The following SKA3 variants were observed in gnomAD, a reference collection of about 807,000 sequenced individuals.
The protein encoded by SKA3 is spindle and kinetochore associated complex subunit 3.
A neutral mutation model predicts 44.2 loss-of-function variants in SKA3; 39 were observed. The observed-to-expected ratio is 0.88, with a 90% confidence interval of 0.68 to 1.15. SKA3 has a LOEUF of 1.15. Among genes scored for constraint, SKA3 ranks in the 50% most tolerant of loss-of-function variants. SKA3 has a pLI of 0.00. For missense variants in SKA3, 511 were observed against 485.8 expected, an observed-to-expected ratio of 1.05 and a Z score of -0.49; for synonymous variants, 192 against 172.0, an observed-to-expected ratio of 1.12 and a Z score of -0.91.
At chr13:21,173,710 G>A (rs1871224545) in intron 1 of SKA3, among the ~76,000 whole-genome samples, 2 of 152,124 alleles carry the variant, frequency 1.3e-5, no homozygotes, top group Admixed American at 1.3e-4. Flanking sequence ...TCATTATTGT[G>A]TAGCATTTCC....
At position 21,174,595 on chromosome 13, in the gene SKA3, G is replaced by A. The variant is rs907606465; in HGVS notation, c.103+1780C>T. The stretch of plus-strand genomic sequence containing the variant: ...TGGGCCTGTCATGGGGTGAGGGAAG[G>A]GGGGAGGGATAGCATTAGGAGATAT... On this transcript the variant is annotated intron_variant, in intron 1 of 8. Transcript: ENST00000314759. Among the ~76,000 whole-genome samples, 9 of 152,212 alleles carry A rather than the reference G, an allele frequency of 5.9e-5. No homozygotes were observed. The South Asian group carries it at 1.9e-3, about 32-fold the overall frequency.
intron 6 of SKA3, 117 bp downstream of exon 6, chr13:21,159,785 C>A: frequency 1.7e-6 from 1 of 574,368 alleles, no homozygotes; most frequent in Non-Finnish European, 2.8e-6. Flanking sequence ...ACTGTAAATA[C>A]ATCCCTAAAA....
chr13:21,159,275 C>T lies in SKA3; in HGVS notation c.915+627G>A, dbSNP rs892045522. Among the ~76,000 whole-genome samples, 4 of 152,232 alleles carry T rather than the reference C, an allele frequency of 2.6e-5. No individual in the cohort carries two copies. The South Asian group carries it at 8.3e-4, about 32-fold the overall frequency. On this transcript the variant is annotated intron_variant, in intron 6 of 8. Coordinates refer to ENST00000314759, the MANE Select transcript of SKA3 (RefSeq NM_145061.6). ...CTATAGCATTGGTTAAGTGACCATA[C>T]TGACTAAAGAGGGATAAGGTTTTGA...
At chr13:21,166,551 T>C (rs1269866735) in intron 4 of SKA3, among the ~76,000 whole-genome samples, 2 of 152,140 alleles carry the variant, frequency 1.3e-5, no homozygotes, top group Non-Finnish European at 2.9e-5. Flanking sequence ...CTGGCCACCA[T>C]GGTGAAACCC....
chr13:21,160,088 C>G (rs143823043), intron 5 of SKA3, 101 bp from the exon 6 acceptor site: 2 of 776,390 alleles, frequency 2.6e-6, no homozygotes, highest in Non-Finnish European at 4.0e-6. Flanking sequence ...ATCATTAGCA[C>G]TACTAAAATT....
At chr13:21,175,362 C>T (rs976640477) in intron 1 of SKA3, among the ~76,000 whole-genome samples, 11 of 151,272 alleles carry the variant, frequency 7.3e-5, no homozygotes, top group African/African-American at 2.5e-4. Context: ...CTGCAAGTTC[C>T]GCCTCCCGGG....
intron 4 of SKA3, among the ~76,000 whole-genome samples, chr13:21,164,423 C>T (rs9552377): frequency 0.42 from 64,539 of 151,938 alleles, 15,207 homozygotes; most frequent in East Asian, 0.71. Flanking sequence ...GTTAAGTTTT[C>T]GTAGAGGTAA....
chr13:21,154,809 C>CGTA lies in SKA3; in HGVS notation c.*340_*341insTAC. On this transcript the variant is annotated 3_prime_UTR_variant, in exon 9 of 9. Coordinates refer to ENST00000314759, the MANE Select transcript of SKA3 (RefSeq NM_145061.6). ...CTCTGGCCAGAAGGTCAGGGGCGGC[C>CGTA]TCATCTGAGTAGCAAACACCTTTAT... 1 of 393,616 alleles carries CGTA rather than the reference C, an allele frequency of 2.5e-6. No homozygotes were observed. The highest frequency in any genetic ancestry group is 3.5e-5 in the South Asian group (1 of 28,600). The allele number at this position is 393,616 out of a possible 1,614,324, so 24.4% of individuals were successfully genotyped here.
At chr13:21,160,753 AG>A (rs1331066060) in intron 5 of SKA3, among the ~76,000 whole-genome samples, 1 of 152,236 alleles carries the variant, frequency 6.6e-6, no homozygotes, top group Admixed American at 6.5e-5. Context: ...CATATGCACA[AG>A]GGAAAATTTC....
chr13:21,170,943 T>C (rs1388350864), intron 3 of SKA3, among the ~76,000 whole-genome samples: 1 of 151,764 alleles, frequency 6.6e-6, no homozygotes, highest in Non-Finnish European at 1.5e-5. Flanking sequence ...ATTTTATTTA[T>C]TGAGACAGGG....
Position 21,170,909 on chromosome 13 carries a change from T to TTGTATGTATGTATGTA in SKA3, c.331+1414_331+1429dup, listed in dbSNP as rs74392336. On this transcript the variant is annotated intron_variant, in intron 3 of 8. Transcript: ENST00000314759. ...GGGTGGTGGTGGTGGTATGGGTTGT[T>TTGTATGTATGTATGTA]TGTATGTATGTATGTATGTATGTAT... is the stretch of plus-strand genomic sequence containing the variant. Among the ~76,000 whole-genome samples, 70 of 150,592 alleles carry TTGTATGTATGTATGTA rather than the reference T, an allele frequency of 4.6e-4. 1 individual carries two copies. Among genetic ancestry groups the TTGTATGTATGTATGTA allele is most frequent in the Non-Finnish European group, 7.5e-4 (51 of 67,580 alleles).
intron 4 of SKA3, among the ~76,000 whole-genome samples, chr13:21,165,325 G>C (rs1345751185): frequency 6.6e-6 from 1 of 151,868 alleles, no homozygotes; most frequent in Non-Finnish European, 1.5e-5. Context: ...GGGAAGCTGA[G>C]GCAGGAGGAC....
At chr13:21,155,193 A>G (rs1870043698) in intron 8 of SKA3, 43 bp from the exon 9 acceptor site, 2 of 1,375,596 alleles carry the variant, frequency 1.5e-6, no homozygotes, top group Admixed American at 2.1e-5. Flanking sequence ...AATAAAATTA[A>G]AAGCCATTAA....
At chr13:21,156,062 C>G in intron 7 of SKA3, among the ~76,000 whole-genome samples, 1 of 151,850 alleles carries the variant, frequency 6.6e-6, no homozygotes, top group Non-Finnish European at 1.5e-5. Context: ...TGGCACACAC[C>G]TGTAATCCCA....
intron 1 of SKA3, among the ~76,000 whole-genome samples, chr13:21,173,626 A>C (rs1453606133): frequency 3.9e-4 from 1 of 2,558 alleles, no homozygotes; most frequent in Non-Finnish European, 5.7e-3. Flanking sequence ...GGACTCAAAC[A>C]ATATGTACTC....
chr13:21,168,343 G>C lies in SKA3; in HGVS notation c.388C>G (p.Gln130Glu), dbSNP rs1486864917. ...DPELSNCENF[Q>E]KTDVKDDLSD... ...AGATCATCTTTCACATCAGTCTTCT[G>C]AAAATTTTCACAATTAGACAACTCT... is the stretch of plus-strand genomic sequence containing the variant. Residue 130 changes from glutamine to glutamate, a missense_variant, in exon 4 of 9, where the codon CAG (glutamine) becomes GAG (glutamate). Coordinates refer to ENST00000314759, the MANE Select transcript of SKA3 (RefSeq NM_145061.6). The C allele has an allele frequency of 6.2e-7, 1 of 1,613,976 alleles. No homozygotes were observed. Among genetic ancestry groups the C allele is most frequent in the East Asian group, 2.2e-5 (1 of 44,878 alleles).
intron 6 of SKA3, among the ~76,000 whole-genome samples, chr13:21,158,829 T>C (rs1031154333): frequency 2.6e-5 from 4 of 152,200 alleles, no homozygotes; most frequent in African/African-American, 9.6e-5. Flanking sequence ...AGATTATTCA[T>C]GCTAAATCAG....
rs535330125 is a variant in SKA3 at position 21,167,762 on chromosome 13, G to C, written c.743+226C>G. The stretch of plus-strand genomic sequence containing the variant: ...AGCCTGGGTGACAGAGCAAGCCTCC[G>C]TCTCGAAAAAAAAAAACAAAAAAAA... On this transcript the variant is annotated intron_variant, in intron 4 of 8. Coordinates refer to ENST00000314759, the MANE Select transcript of SKA3 (RefSeq NM_145061.6). 2.1e-3 allele frequency among the ~76,000 whole-genome samples: 286 copies of C among 138,320 alleles called. 2 individuals carry two copies. The highest frequency in any genetic ancestry group is 7.4e-3 in the African/African-American group (275 of 37,296). 90.7% of individuals were successfully genotyped at this position (138,320 alleles called of 152,430 possible). A position where few individuals can be genotyped will look rare whatever the true frequency, so the allele number is the denominator to read the frequency against.
intron 3 of SKA3, among the ~76,000 whole-genome samples, chr13:21,171,923 T>C (rs140773472): frequency 5.8e-4 from 89 of 152,338 alleles, no homozygotes; most frequent in Middle Eastern, 3.4e-3. Flanking sequence ...TTATAGCCAA[T>C]ATCTCTTTCT....
Sources: allele counts gnomAD v4.1 joint callset (sites outside exome capture counted in the v4.1 genomes callset), GRCh38; gene constraint gnomAD v4.1.1; transcripts MANE v1.5; gene names NCBI Gene and HGNC (gene_info 2026-07-23, HGNC 2026-07-21).